The following CNOT6L variants were observed in gnomAD, a reference collection of about 807,000 sequenced individuals.
CNOT6L encodes CCR4-NOT transcription complex subunit 6 like.
Under a neutral mutation model 64.0 loss-of-function variants are expected in CNOT6L, and 7 were observed. The ratio of observed to expected loss-of-function variants is 0.11; its 90% CI spans 0.06 to 0.21. The LOEUF is 0.21. Among genes scored for constraint, CNOT6L ranks in the 10% least tolerant of loss-of-function variants. The pLI, the probability that CNOT6L is intolerant of heterozygous loss-of-function variation, is 1.00. For missense variants in CNOT6L, 245 were observed against 669.0 expected (o/e 0.37, Z 6.99); for synonymous variants, 193 against 243.4 (o/e 0.79, Z 1.93).
At chr4:77,763,037 C>G (rs1019076686) in intron 4 of CNOT6L, among the ~76,000 whole-genome samples, 2 of 151,734 alleles carry the variant, frequency 1.3e-5, no homozygotes, top group East Asian at 3.9e-4. Flanking sequence ...AGTCTAGAAA[C>G]AGAATAGAGC....
At chr4:77,795,743 C>T (rs1450612028) in intron 1 of CNOT6L, among the ~76,000 whole-genome samples, 1 of 152,108 alleles carries the variant, frequency 6.6e-6, no homozygotes. Flanking sequence ...TATAAATTAC[C>T]CAGTCTCAGG....
intron 5 of CNOT6L, among the ~76,000 whole-genome samples, chr4:77,754,887 G>GTAAAAAAAA (rs1725290659): frequency 8.1e-5 from 1 of 12,304 alleles, no homozygotes; most frequent in African/African-American, 2.7e-4. Context: ...AACATTAGAA[G>GTAAAAAAAA]TAAAAAAAAA....
Position 77,714,036 on chromosome 4 carries a change from A to G in CNOT6L, c.*6395T>C, listed in dbSNP as rs1378949814. 6.6e-6 allele frequency: 1 copy of G among 152,630 alleles called. No homozygotes were observed. Among genetic ancestry groups the G allele is most frequent in the Non-Finnish European group, 1.5e-5 (1 of 68,036 alleles). 9.5% of individuals were successfully genotyped at this position (152,630 alleles called of 1,614,324 possible). On this transcript the variant is annotated 3_prime_UTR_variant, in exon 12 of 12. Coordinates refer to ENST00000504123, the MANE Select transcript of CNOT6L (RefSeq NM_144571.3). ...CTTAGAACAAAAGCAAAGTAAATAT[A>G]CAACCTAAAACAGCAGAATTTGTTT... is the stretch of plus-strand genomic sequence containing the variant.
chr4:77,762,392 T>C (rs1415208128), intron 4 of CNOT6L, among the ~76,000 whole-genome samples: 1 of 152,064 alleles, frequency 6.6e-6, no homozygotes, highest in Non-Finnish European at 1.5e-5. Flanking sequence ...CAGAATAGTG[T>C]GTTTAGCAGT....
At chr4:77,737,262 A>G (rs1723059824) in intron 8 of CNOT6L, among the ~76,000 whole-genome samples, 1 of 152,218 alleles carries the variant, frequency 6.6e-6, no homozygotes, top group Admixed American at 6.5e-5. Context: ...TTCTTACTAT[A>G]TTCAGTATAA....
At chr4:77,806,564 T>A (rs1450414121) in intron 1 of CNOT6L, among the ~76,000 whole-genome samples, 1 of 152,204 alleles carries the variant, frequency 6.6e-6, no homozygotes, top group African/African-American at 2.4e-5. Context: ...TCAAAACAAT[T>A]GTTTAGGTAA....
intron 4 of CNOT6L, among the ~76,000 whole-genome samples, chr4:77,758,469 C>T (rs1725818372): frequency 6.6e-6 from 1 of 152,182 alleles, no homozygotes; most frequent in South Asian, 2.1e-4. Context: ...AATTGGAGTT[C>T]TAGAAAGAAG....
Position 77,819,303 on chromosome 4 carries a change from C to T in CNOT6L, c.5+1G>A, listed in dbSNP as rs779245359. The T allele has an allele frequency of 5.6e-6, 9 of 1,613,664 alleles. No individual in the cohort carries two copies. Among genetic ancestry groups the T allele is most frequent in the Admixed American group, 1.7e-5 (1 of 60,024 alleles). ...TACTCGGAGGCAAAAGAACACTCTA[C>T]CTCATTCTCTTCCTCTGGCCCAGAA... On this transcript the variant is annotated splice_donor_variant, in intron 1 of 11. Coordinates refer to ENST00000504123, the MANE Select transcript of CNOT6L (RefSeq NM_144571.3). LOFTEE classifies it high-confidence loss of function.
chr4:77,728,737 A>G (rs1472412598), intron 10 of CNOT6L, 117 bp downstream of exon 10: 1 of 757,170 alleles, frequency 1.3e-6, no homozygotes, highest in East Asian at 2.5e-5. Context: ...TGTCCCATCC[A>G]TGGAATTCTT....
chr4:77,768,808 G>A (rs558389661), intron 4 of CNOT6L, among the ~76,000 whole-genome samples: 2 of 151,954 alleles, frequency 1.3e-5, no homozygotes, highest in South Asian at 4.2e-4. Context: ...ATCAAGTGTT[G>A]GAGAAAAGAC....
chr4:77,716,164 T>TGAGA lies in CNOT6L; in HGVS notation c.*4263_*4266dup, dbSNP rs1720727314. ...TGGGAAAAAGAATATCTCATCAATG[T>TGAGA]GAGAATTCACATTTCTGTCAAAATG... On this transcript the variant is annotated 3_prime_UTR_variant, in exon 12 of 12. Transcript: ENST00000504123. The TGAGA allele has an allele frequency of 6.6e-6, 1 of 152,072 alleles. No individual in the cohort carries two copies. The highest frequency in any genetic ancestry group is 1.5e-5 in the Non-Finnish European group (1 of 67,984). 9.4% of individuals were successfully genotyped at this position (152,072 alleles called of 1,614,324 possible).
At chr4:77,737,876 A>C (rs1029157060) in intron 8 of CNOT6L, among the ~76,000 whole-genome samples, 2 of 152,200 alleles carry the variant, frequency 1.3e-5, no homozygotes, top group Admixed American at 1.3e-4. Flanking sequence ...AAATTACCAG[A>C]AGAGTACAGA....
intron 8 of CNOT6L, among the ~76,000 whole-genome samples, chr4:77,734,243 C>T (rs906759966): frequency 2.6e-5 from 4 of 152,100 alleles, no homozygotes; most frequent in African/African-American, 9.7e-5. Flanking sequence ...AAAAATGATA[C>T]ATTAAATATG....
At chr4:77,767,044 CA>C (rs1306270704) in intron 4 of CNOT6L, among the ~76,000 whole-genome samples, 1 of 94,052 alleles carries the variant, frequency 1.1e-5, no homozygotes, top group Non-Finnish European at 1.9e-5. Flanking sequence ...GCCTGGGCAA[CA>C]GAGCGAAACT....
Position 77,754,712 on chromosome 4 carries a change from C to T in CNOT6L, c.490+2150G>A, listed in dbSNP as rs535259346. ...AAACACTGTTACATTGCTATAAAGA[C>T]TCATGGAAGAGAATAAAGAATCCAG... On this transcript the variant is annotated intron_variant, in intron 5 of 11. Transcript: ENST00000504123. Among the ~76,000 whole-genome samples, 19 of 151,578 alleles carry T rather than the reference C, an allele frequency of 1.3e-4. No homozygotes were observed. The South Asian group carries it at 4.0e-3, about 32-fold the overall frequency.
At chr4:77,723,361 A>G (rs1244929472) in intron 11 of CNOT6L, among the ~76,000 whole-genome samples, 6 of 152,202 alleles carry the variant, frequency 3.9e-5, no homozygotes, top group Non-Finnish European at 5.9e-5. Flanking sequence ...TACTAAGCTA[A>G]GCAAACAAAA....
chr4:77,728,180 T>A (rs1722078591), intron 10 of CNOT6L, among the ~76,000 whole-genome samples: 1 of 152,244 alleles, frequency 6.6e-6, no homozygotes, highest in Admixed American at 6.5e-5. Flanking sequence ...TGATCATTCT[T>A]CTGTAACTAC....
At chr4:77,756,710 G>C (rs186607398) in intron 5 of CNOT6L, among the ~76,000 whole-genome samples, 152 bp downstream of exon 5, 2 of 152,280 alleles carry the variant, frequency 1.3e-5, no homozygotes, top group East Asian at 1.9e-4. Context: ...TATATGAAAA[G>C]AAGAATGTTC....
At chr4:77,800,570 T>G (rs1731418837) in intron 1 of CNOT6L, among the ~76,000 whole-genome samples, 1 of 152,104 alleles carries the variant, frequency 6.6e-6, no homozygotes, top group Admixed American at 6.5e-5. Context: ...AATATGAAAG[T>G]CTGAATAGCT....
Sources: gnomAD v4.1 joint callset for allele counts (sites outside exome capture counted in the v4.1 genomes callset) on GRCh38, gnomAD v4.1.1 for gene constraint, MANE v1.5 for transcripts, NCBI Gene and HGNC (gene_info 2026-07-23, HGNC 2026-07-21) for gene names.